Variants in KCNH7 observed in about 807,000 individuals in gnomAD.
KCNH7 encodes potassium voltage-gated channel subfamily H member 7.
In KCNH7, 49 loss-of-function variants were observed where a neutral mutation model predicts 120.8. The observed-to-expected ratio is 0.41, with a 90% confidence interval of 0.32 to 0.51. The LOEUF is 0.51. Ranked by LOEUF, KCNH7 falls within the 20% of genes least tolerant of loss-of-function variation. The pLI is 0.38. For synonymous variants in KCNH7, 547 were observed against 516.1 expected, an observed-to-expected ratio of 1.06 and a Z score of -0.81; for missense variants, 1,097 against 1,446.6, an observed-to-expected ratio of 0.76 and a Z score of 3.92.
intron 2 of KCNH7, among the ~76,000 whole-genome samples, chr2:162,561,851 C>T (rs982065552): frequency 3.9e-5 from 6 of 152,102 alleles, no homozygotes; most frequent in African/African-American, 1.2e-4. Flanking sequence ...GAAAATGTGG[C>T]ATATATACAC....
At chr2:162,832,726 G>A (rs1416289970) in intron 2 of KCNH7, among the ~76,000 whole-genome samples, 1 of 151,962 alleles carries the variant, frequency 6.6e-6, no homozygotes, top group Non-Finnish European at 1.5e-5. Context: ...AGAGAGAGAG[G>A]AGGCACTCAA....
intron 2 of KCNH7, among the ~76,000 whole-genome samples, chr2:162,763,942 A>G (rs1172130499): frequency 2.0e-5 from 3 of 152,004 alleles, no homozygotes; most frequent in Admixed American, 2.0e-4. Context: ...TTTAATAAAG[A>G]TGCTACAGGA....
intron 10 of KCNH7, 36 bp from the exon 11 acceptor site, chr2:162,396,981 G>C (rs748655858): frequency 7.2e-7 from 1 of 1,396,236 alleles, no homozygotes; most frequent in Non-Finnish European, 1.0e-6. Flanking sequence ...CGGGGAAAGG[G>C]AATCCAAACT....
intron 6 of KCNH7, among the ~76,000 whole-genome samples, chr2:162,469,682 C>CCCCTCCCCCTCTCCCTCTCCCTCT (rs1689430042): frequency 6.6e-6 from 1 of 151,568 alleles, no homozygotes; most frequent in African/African-American, 2.4e-5. Flanking sequence ...CCTCTCCCTC[C>CCCCTCCCCCTCTCCCTCTCCCTCT]CCCTCCCCCT....
chr2:162,632,429 A>T (rs370806245), intron 2 of KCNH7, among the ~76,000 whole-genome samples: 239 of 152,104 alleles, frequency 1.6e-3, no homozygotes, highest in African/African-American at 5.4e-3. Context: ...TTCATAGGAT[A>T]TCAATTTCCC....
At chr2:162,418,602 G>A (rs774282978) in intron 9 of KCNH7, among the ~76,000 whole-genome samples, 8 of 152,052 alleles carry the variant, frequency 5.3e-5, no homozygotes, top group Non-Finnish European at 7.4e-5. Flanking sequence ...AAATATAAAG[G>A]TCTGGCCCAG....
intron 2 of KCNH7, among the ~76,000 whole-genome samples, chr2:162,699,901 T>C (rs1452036325): frequency 6.6e-6 from 1 of 151,874 alleles, no homozygotes; most frequent in East Asian, 1.9e-4. Context: ...AATAAATAAG[T>C]GATGGGGAAA....
chr2:162,446,136 T>G lies in KCNH7; in HGVS notation c.1436A>C (p.Glu479Ala), dbSNP rs781507710. The G allele has an allele frequency of 6.2e-7, 1 of 1,613,858 alleles. No homozygotes were observed. Among genetic ancestry groups the G allele is most frequent in the Non-Finnish European group, 8.5e-7 (1 of 1,179,798 alleles). The change falls in exon 7 of 16, where the codon GAA becomes GCA. Residue 479 changes from glutamate to alanine, a missense_variant. By Grantham distance (107) the Glu-to-Ala change is moderately radical. This residue lies in a region of KCNH7 where 109 missense variants were observed against 196.8 expected (regional missense o/e 0.55). Transcript: ENST00000332142. Reference sequence around the variant, plus strand: ...TTTGGCGGGATCACTTACCACTTCTTCATTCTGATTTACATATGTTGTTCT... The same window carrying G: ...TTTGGCGGGATCACTTACCACTTCTGCATTCTGATTTACATATGTTGTTCT... The part of the protein sequence containing the change: ...NFRTTYVNQN[E>A]EVVSDPAKIA...
At chr2:162,562,976 G>A (rs1007961944) in intron 2 of KCNH7, among the ~76,000 whole-genome samples, 5 of 152,148 alleles carry the variant, frequency 3.3e-5, no homozygotes, top group Non-Finnish European at 7.4e-5. Context: ...GAGGATGAGG[G>A]TAGGATATTG....
intron 2 of KCNH7, among the ~76,000 whole-genome samples, chr2:162,612,590 G>A (rs1683006286): frequency 6.6e-6 from 1 of 151,906 alleles, no homozygotes; most frequent in Admixed American, 6.6e-5. Flanking sequence ...CACATCTTAG[G>A]ATTTCCAGAG....
At chr2:162,505,153 G>A (rs1307551789) in intron 5 of KCNH7, among the ~76,000 whole-genome samples, 1 of 151,858 alleles carries the variant, frequency 6.6e-6, no homozygotes, top group African/African-American at 2.4e-5. Context: ...CTCTTCATAT[G>A]TTTCCACTAC....
intron 2 of KCNH7, among the ~76,000 whole-genome samples, chr2:162,757,316 C>A (rs73972004): frequency 0.041 from 6,207 of 152,062 alleles, 329 homozygotes; most frequent in African/African-American, 0.13. Context: ...GGCTCCCAGA[C>A]AAATCTCCCA....
intron 2 of KCNH7, among the ~76,000 whole-genome samples, chr2:162,689,214 G>T (rs188854503): frequency 2.0e-5 from 3 of 151,940 alleles, no homozygotes; most frequent in Non-Finnish European, 4.4e-5. Context: ...GCAAAGGCAC[G>T]ATCTCGGCTC....
At chr2:162,442,082 T>C (rs1231743127) in intron 7 of KCNH7, among the ~76,000 whole-genome samples, 1 of 134,240 alleles carries the variant, frequency 7.4e-6, no homozygotes, top group Non-Finnish European at 1.6e-5. Context: ...AGTGGTGCGA[T>C]CTCTGCTATC....
At chr2:162,756,630 A>G (rs1443495643) in intron 2 of KCNH7, among the ~76,000 whole-genome samples, 1 of 151,954 alleles carries the variant, frequency 6.6e-6, no homozygotes, top group Non-Finnish European at 1.5e-5. Context: ...ATGCCTGGTT[A>G]ATTTTTGTTT....
chr2:162,456,046 T>C (rs1688950581), intron 6 of KCNH7, among the ~76,000 whole-genome samples: 1 of 152,176 alleles, frequency 6.6e-6, no homozygotes, highest in African/African-American at 2.4e-5. Context: ...TGATTTGAGA[T>C]CTTCCCAGCT....
chr2:162,782,522 G>C (rs1683538181), intron 2 of KCNH7, among the ~76,000 whole-genome samples: 1 of 152,138 alleles, frequency 6.6e-6, no homozygotes, highest in Non-Finnish European at 1.5e-5. Flanking sequence ...AGTGTGGCTG[G>C]AGCTGAGGGA....
chr2:162,519,959 G>A (rs773556270), intron 3 of KCNH7, among the ~76,000 whole-genome samples: 3 of 151,452 alleles, frequency 2.0e-5, no homozygotes, highest in Non-Finnish European at 3.0e-5. Context: ...CCCAGTGGAT[G>A]GTTTTTTTCT....
In KCNH7 at chr2:162,488,109, G is replaced by A. The variant is rs137863640; in HGVS notation, c.1128+16334C>T. 3.3e-4 allele frequency among the ~76,000 whole-genome samples: 51 copies of A among 152,316 alleles called. No individual in the cohort carries two copies. The East Asian group carries it at 7.9e-3, about 24-fold the overall frequency. The stretch of plus-strand genomic sequence containing the variant: ...TTCCTGGGTCTGACTTTTATCTCAA[G>A]ATTGACAACAACTGGTGAAGAAAGA... On this transcript the variant is annotated intron_variant, in intron 6 of 15. Transcript: ENST00000332142.
Sources: gnomAD v4.1 joint callset for allele counts (sites outside exome capture counted in the v4.1 genomes callset) on GRCh38, gnomAD v4.1.1 for gene constraint, gnomAD v4.1.1 regional missense constraint, MANE v1.5 for transcripts, NCBI Gene and HGNC (gene_info 2026-07-23, HGNC 2026-07-21) for gene names.